ACAD11: variants seen among roughly 807,000 people sequenced by gnomAD.
The protein encoded by ACAD11 is acyl-Coenzyme A dehydrogenase family, member 11.
ACAD11 carries 83 observed loss-of-function variants against 102.2 expected under a neutral mutation model. The ratio of observed to expected loss-of-function variants is 0.81; its 90% CI spans 0.68 to 0.97. The LOEUF (loss-of-function observed/expected upper bound fraction) is 0.97. Among genes scored for constraint, ACAD11 ranks in the 50% least tolerant of loss-of-function variants. The pLI is 0.00. For missense variants in ACAD11, 901 were observed against 951.7 expected, an observed-to-expected ratio of 0.95 and a Z score of 0.70; for synonymous variants, 324 against 319.8, an observed-to-expected ratio of 1.01 and a Z score of -0.14.
At chr3:132,576,779 G>A (rs1016890667) in intron 16 of ACAD11, among the ~76,000 whole-genome samples, 165 bp downstream of exon 16, 2 of 152,158 alleles carry the variant, frequency 1.3e-5, no homozygotes, top group African/African-American at 4.8e-5. Context: ...AATTACCTTG[G>A]TGCAAAAGTA....
At chr3:132,656,849 G>GT (rs200968218) in intron 1 of ACAD11, among the ~76,000 whole-genome samples, 2,249 of 143,846 alleles carry the variant, frequency 0.016, 49 homozygotes, top group African/African-American at 0.05. Flanking sequence ...TCATTGTGTT[G>GT]TTTTTTTTTT....
Position 132,642,261 on chromosome 3 carries a change from G to T in ACAD11, c.376-128C>A, listed in dbSNP as rs963647414. On this transcript the variant is annotated intron_variant, in intron 3 of 19. Transcript: ENST00000264990. Reference sequence around the variant, plus strand: ...ATACATGCCAAAGGGAAAATAAAAGGATATGCCAAGATGAATATAAACATC... The same window carrying T: ...ATACATGCCAAAGGGAAAATAAAAGTATATGCCAAGATGAATATAAACATC... The T allele has an allele frequency of 7.2e-6, 6 of 833,898 alleles. No individual in the cohort carries two copies. The South Asian group carries it at 1.2e-4, about 16-fold the overall frequency. 51.7% of individuals were successfully genotyped at this position (833,898 alleles called of 1,614,324 possible).
intron 17 of ACAD11, among the ~76,000 whole-genome samples, chr3:132,566,788 G>C (rs186455882): frequency 9.2e-5 from 14 of 152,184 alleles, no homozygotes; most frequent in Non-Finnish European, 1.6e-4. Flanking sequence ...TCTCTAAATG[G>C]AAAGAAAAAG....
At chr3:132,564,510 G>A (rs546983474) in intron 17 of ACAD11, among the ~76,000 whole-genome samples, 1 of 152,200 alleles carries the variant, frequency 6.6e-6, no homozygotes, top group Non-Finnish European at 1.5e-5. Context: ...TGGGATTTGA[G>A]GAATTGGTCT....
intron 13 of ACAD11, among the ~76,000 whole-genome samples, chr3:132,594,101 C>A (rs1938198505): frequency 6.6e-6 from 1 of 152,182 alleles, no homozygotes; most frequent in South Asian, 2.1e-4. Context: ...ATGATTTATA[C>A]ACAGCATTCA....
intron 11 of ACAD11, among the ~76,000 whole-genome samples, chr3:132,612,872 C>G (rs1326144189): frequency 1.1e-4 from 16 of 152,040 alleles, no homozygotes; most frequent in Middle Eastern, 3.2e-3. Flanking sequence ...CATCCCATTA[C>G]TGGGTATATA....
intron 16 of ACAD11, among the ~76,000 whole-genome samples, 153 bp downstream of exon 16, chr3:132,576,791 T>C (rs913073970): frequency 3.3e-5 from 5 of 152,194 alleles, no homozygotes; most frequent in Admixed American, 2.6e-4. Context: ...GCAAAAGTAA[T>C]TGCAGTTCAA....
At chr3:132,621,416 T>C (rs552866120) in intron 9 of ACAD11, 1 of 152,322 alleles carries the variant, frequency 6.6e-6, no homozygotes, top group South Asian at 2.1e-4. Context: ...ATAGCTTCAA[T>C]TGCTGAGAGA....
At chr3:132,631,535 A>G (rs564481588) in intron 5 of ACAD11, 56 bp from the exon 6 acceptor site, 3 of 1,262,592 alleles carry the variant, frequency 2.4e-6, no homozygotes, top group East Asian at 5.7e-5. Context: ...CAAGTATAAT[A>G]AAGAAATAAA....
rs117206699 is a variant in ACAD11 at position 132,649,194 on chromosome 3, G to A, written c.150-4298C>T. On this transcript the variant is annotated intron_variant, in intron 1 of 19. Coordinates refer to ENST00000264990, the MANE Select transcript of ACAD11 (RefSeq NM_032169.5). Reference sequence around the variant, plus strand: ...CCCGTGAGATGGGAAAGACCTGACCGTCCCCCAGCCCGACACCCGTAGGGG... The same window carrying A: ...CCCGTGAGATGGGAAAGACCTGACCATCCCCCAGCCCGACACCCGTAGGGG... Among the ~76,000 whole-genome samples, 75 of 152,318 alleles carry A rather than the reference G, an allele frequency of 4.9e-4. No individual in the cohort carries two copies. In the East Asian group the frequency reaches 0.013, roughly 27 times the overall value.
At chr3:132,628,247 A>C in intron 8 of ACAD11, 93 bp downstream of exon 8, 1 of 747,454 alleles carries the variant, frequency 1.3e-6, no homozygotes, top group Non-Finnish European at 2.1e-6. Context: ...GGTGTATGCA[A>C]TAAAAATAAT....
At chr3:132,600,661 A>G (rs965429226) in intron 13 of ACAD11, 2 of 1,613,476 alleles carry the variant, frequency 1.2e-6, no homozygotes, top group African/African-American at 2.7e-5. Flanking sequence ...TAGCAGATTT[A>G]CTCCTTCTAT....
At chr3:132,628,011 T>A (rs1275089857) in intron 8 of ACAD11, among the ~76,000 whole-genome samples, 1 of 152,208 alleles carries the variant, frequency 6.6e-6, no homozygotes, top group Non-Finnish European at 1.5e-5. Context: ...AATTAATAAA[T>A]CATCTTATAT....
intron 13 of ACAD11, chr3:132,600,304 G>C: frequency 8.3e-7 from 1 of 1,199,124 alleles, no homozygotes; most frequent in African/African-American, 1.5e-5. Context: ...ATACTCTAGG[G>C]AAAGAACAAA....
chr3:132,630,602 G>A, intron 6 of ACAD11, 44 bp from the exon 7 acceptor site: 2 of 1,542,590 alleles, frequency 1.3e-6, no homozygotes, highest in South Asian at 1.2e-5. Context: ...AAAATGTCGT[G>A]GTGAATATTT....
At chr3:132,631,118 C>T (rs550183586) in intron 6 of ACAD11, among the ~76,000 whole-genome samples, 1 of 151,308 alleles carries the variant, frequency 6.6e-6, no homozygotes, top group Non-Finnish European at 1.5e-5. Context: ...AAAACGTGCA[C>T]GTTGTGCACA....
intron 13 of ACAD11, among the ~76,000 whole-genome samples, chr3:132,588,436 G>A (rs1209684318): frequency 6.6e-6 from 1 of 152,186 alleles, no homozygotes; most frequent in Middle Eastern, 3.4e-3. Flanking sequence ...AAATATATGA[G>A]TTTTATTTAT....
chr3:132,649,641 G>A (rs755146278), intron 1 of ACAD11, among the ~76,000 whole-genome samples: 18 of 152,202 alleles, frequency 1.2e-4, no homozygotes, highest in Non-Finnish European at 2.5e-4. Context: ...TCAGAGACTG[G>A]TGCTGGTGAA....
chr3:132,566,302 AAC>A lies in ACAD11; in HGVS notation c.2002-5087_2002-5086del, dbSNP rs1473855203. On this transcript the variant is annotated intron_variant, in intron 17 of 19. Coordinates refer to ENST00000264990, the MANE Select transcript of ACAD11 (RefSeq NM_032169.5). ...CAAAGAGAGAAAACAAACTCAAAAA[AAC>A]AAAAAAAAAAAGAACAGCATCATAG... Among the ~76,000 whole-genome samples, 28 of 149,346 alleles carry A rather than the reference AAC, an allele frequency of 1.9e-4. 3 individuals are homozygous for A. The highest frequency in any genetic ancestry group is 3.4e-3 in the Middle Eastern group (1 of 292).
Sources: gnomAD v4.1 joint callset for allele counts (sites outside exome capture counted in the v4.1 genomes callset) on GRCh38, gnomAD v4.1.1 for gene constraint, MANE v1.5 for transcripts, NCBI Gene and HGNC (gene_info 2026-07-23, HGNC 2026-07-21) for gene names.